The following GRIK4 variants were observed in gnomAD, a reference collection of about 807,000 sequenced individuals.
The protein encoded by GRIK4 is glutamate receptor ionotropic, kainate 4.
In GRIK4, 40 loss-of-function variants were observed where a neutral mutation model predicts 104.9. That is an observed-to-expected ratio of 0.38 (90% CI 0.30 to 0.50). GRIK4 has a LOEUF of 0.50. Ranked by LOEUF, GRIK4 falls within the 20% of genes least tolerant of loss-of-function variation. The pLI is 0.93. For missense variants in GRIK4, 1,047 were observed against 1,308.1 expected, an observed-to-expected ratio of 0.80 and a Z score of 3.08; for synonymous variants, 485 against 524.9, an observed-to-expected ratio of 0.92 and a Z score of 1.04.
intron 3 of GRIK4, among the ~76,000 whole-genome samples, chr11:120,672,000 C>G (rs7934825): frequency 0.16 from 24,913 of 152,158 alleles, 2,284 homozygotes; most frequent in South Asian, 0.23. Flanking sequence ...GTTTTGGCAC[C>G]AGTACCATGC....
intron 3 of GRIK4, among the ~76,000 whole-genome samples, chr11:120,745,929 C>T (rs150604578): frequency 4.7e-4 from 72 of 152,286 alleles, no homozygotes; most frequent in Non-Finnish European, 8.2e-4. Flanking sequence ...AGAGCACTGA[C>T]GATGCATTAG....
chr11:120,550,175 C>T (rs962562248), intron 1 of GRIK4, among the ~76,000 whole-genome samples: 4 of 151,760 alleles, frequency 2.6e-5, no homozygotes, highest in Admixed American at 6.6e-5. Context: ...GGGCTTACAC[C>T]CAGGGGTGGT....
At chr11:120,661,606 T>C (rs1052291695) in intron 3 of GRIK4, among the ~76,000 whole-genome samples, 1 of 152,230 alleles carries the variant, frequency 6.6e-6, no homozygotes, top group Non-Finnish European at 1.5e-5. Context: ...GTGCTGGTGA[T>C]GGTCAGGAGG....
chr11:120,700,376 C>T (rs773037439), intron 3 of GRIK4, among the ~76,000 whole-genome samples: 50 of 151,134 alleles, frequency 3.3e-4, no homozygotes, highest in Admixed American at 1.4e-3. Flanking sequence ...TGGGTTCAAG[C>T]GATTCTCCTG....
intron 3 of GRIK4, among the ~76,000 whole-genome samples, chr11:120,786,165 C>T (rs1177376891): frequency 6.6e-6 from 1 of 152,166 alleles, no homozygotes; most frequent in East Asian, 1.9e-4. Flanking sequence ...CCGCTGGTGC[C>T]ATGGCCTTGG....
intron 1 of GRIK4, among the ~76,000 whole-genome samples, chr11:120,556,465 A>G (rs1289059188): frequency 1.3e-5 from 2 of 152,162 alleles, no homozygotes; most frequent in African/African-American, 4.8e-5. Context: ...CTCCACATGC[A>G]TCCGGGAGGC....
chr11:120,695,189 G>C (rs1006995075), intron 3 of GRIK4, among the ~76,000 whole-genome samples: 1 of 152,200 alleles, frequency 6.6e-6, no homozygotes, highest in South Asian at 2.1e-4. Flanking sequence ...TCATTCTCAC[G>C]AGCTGGGCTG....
At position 120,875,240 on chromosome 11, in the gene GRIK4, G is replaced by A. The variant is rs971653600; in HGVS notation, c.1161G>A (p.Arg387=). Residue 387 remains arginine, a synonymous_variant, in exon 11 of 21, where the codon CGG becomes CGA. Coordinates refer to ENST00000527524, the MANE Select transcript of GRIK4 (RefSeq NM_014619.5). ...TACAGTTCACAAGGAATGGTTTTCG[G>A]CAGGTAAGCCTAGCTGCACCGTGGT... ...KILQFTRNGF[R]QIGQWHVAEG... The A allele has an allele frequency of 6.3e-7, 1 of 1,599,924 alleles. No homozygotes were observed. The highest frequency in any genetic ancestry group is 8.6e-7 in the Non-Finnish European group (1 of 1,167,032).
intron 20 of GRIK4, among the ~76,000 whole-genome samples, chr11:120,983,365 G>C (rs144959873): frequency 6.6e-6 from 1 of 152,130 alleles, no homozygotes; most frequent in African/African-American, 2.4e-5. Context: ...GATTTGGTCC[G>C]AAACCCAGGG....
Position 120,634,839 on chromosome 11 carries a change from G to A in GRIK4, c.-158-18846G>A, listed in dbSNP as rs554814998. Among the ~76,000 whole-genome samples the A allele has an allele frequency of 2.4e-4, 36 of 152,256 alleles. No individual in the cohort carries two copies. The South Asian group carries it at 4.4e-3, about 18-fold the overall frequency. On this transcript the variant is annotated intron_variant, in intron 1 of 20. Coordinates refer to ENST00000527524, the MANE Select transcript of GRIK4 (RefSeq NM_014619.5). ...CTGCCAATCTTCGTGCCCAGCTCAC[G>A]GAGTCGCCAAGCATGTGACCTGCCT...
At chr11:120,742,523 A>ATT (rs142502433) in intron 3 of GRIK4, among the ~76,000 whole-genome samples, 5,329 of 115,552 alleles carry the variant, frequency 0.046, 136 homozygotes, top group Middle Eastern at 0.069. Flanking sequence ...TATTATTATT[A>ATT]TTATTTTTTT....
At chr11:120,878,811 CA>C (rs1172184750) in intron 11 of GRIK4, among the ~76,000 whole-genome samples, 1 of 152,136 alleles carries the variant, frequency 6.6e-6, no homozygotes, top group Non-Finnish European at 1.5e-5. Context: ...CTGCTTATTA[CA>C]AGATGAAGAA....
chr11:120,695,928 C>A lies in GRIK4; in HGVS notation c.82+35528C>A, dbSNP rs187221490. The stretch of plus-strand genomic sequence containing the variant: ...CTTGCACCCCTCACACAGAGGCCTG[C>A]TCCATGGACCAGTAGGAGGAGGGCC... On this transcript the variant is annotated intron_variant, in intron 3 of 20. Coordinates refer to ENST00000527524, the MANE Select transcript of GRIK4 (RefSeq NM_014619.5). Among the ~76,000 whole-genome samples, 104 of 152,320 alleles carry A rather than the reference C, an allele frequency of 6.8e-4. 1 individual carries two copies. In the Middle Eastern group the frequency reaches 0.017, roughly 25 times the overall value.
At chr11:120,599,290 T>G (rs944646118) in intron 1 of GRIK4, among the ~76,000 whole-genome samples, 1 of 152,220 alleles carries the variant, frequency 6.6e-6, no homozygotes, top group South Asian at 2.1e-4. Flanking sequence ...TATTAATATT[T>G]CCCTGGACCA....
intron 14 of GRIK4, among the ~76,000 whole-genome samples, chr11:120,951,176 G>C (rs956462712): frequency 2.0e-5 from 3 of 152,292 alleles, no homozygotes; most frequent in South Asian, 2.1e-4. Context: ...ACCCTCCAAA[G>C]AGGAAAGTAA....
intron 1 of GRIK4, among the ~76,000 whole-genome samples, chr11:120,569,698 A>G (rs1948373447): frequency 6.6e-6 from 1 of 152,308 alleles, no homozygotes. Flanking sequence ...CAGGAGTGGC[A>G]AGAGGGACTC....
At chr11:120,735,929 C>A (rs886491038) in intron 3 of GRIK4, among the ~76,000 whole-genome samples, 1 of 152,136 alleles carries the variant, frequency 6.6e-6, no homozygotes, top group Non-Finnish European at 1.5e-5. Context: ...ATCCTAGGGC[C>A]AGTTAGCTCC....
chr11:120,919,924 A>C (rs902596981), intron 13 of GRIK4, among the ~76,000 whole-genome samples: 3 of 152,000 alleles, frequency 2.0e-5, no homozygotes, highest in Non-Finnish European at 4.4e-5. Flanking sequence ...GACGGCAGAG[A>C]TAAGGAATTA....
chr11:120,907,276 C>T (rs1281424119), intron 13 of GRIK4, among the ~76,000 whole-genome samples: 1 of 152,100 alleles, frequency 6.6e-6, no homozygotes, highest in Non-Finnish European at 1.5e-5. Context: ...CTTGGGCTGC[C>T]TGATGACTGG....
Sources: gnomAD v4.1 joint callset for allele counts (sites outside exome capture counted in the v4.1 genomes callset) on GRCh38, gnomAD v4.1.1 for gene constraint, MANE v1.5 for transcripts, NCBI Gene and HGNC (gene_info 2026-07-23, HGNC 2026-07-21) for gene names.